The following OPCML variants were observed in gnomAD, a reference collection of about 807,000 sequenced individuals.
OPCML encodes opioid binding protein/cell adhesion molecule like.
Under a neutral mutation model 37.8 loss-of-function variants are expected in OPCML, and 13 were observed. That is an observed-to-expected ratio of 0.34 (90% CI 0.22 to 0.55). The LOEUF (loss-of-function observed/expected upper bound fraction) is 0.55. Among genes scored for constraint, OPCML ranks in the 20% least tolerant of loss-of-function variants. The probability of loss-of-function intolerance (pLI) is 0.91; values close to 1 mark genes in which losing one functional copy is unlikely to be tolerated. For missense variants in OPCML, 341 were observed against 435.6 expected (o/e 0.78, Z 1.93); for synonymous variants, 176 against 168.8 (o/e 1.04, Z -0.33).
chr11:132,972,531 G>T (rs78480998), intron 1 of OPCML, among the ~76,000 whole-genome samples: 3 of 152,172 alleles, frequency 2.0e-5, no homozygotes, highest in Non-Finnish European at 4.4e-5. Context: ...GCATCTCTTC[G>T]TGTGCGTTTT....
chr11:133,165,139 C>G (rs535625883), intron 1 of OPCML, among the ~76,000 whole-genome samples: 8 of 152,346 alleles, frequency 5.3e-5, no homozygotes, highest in African/African-American at 1.9e-4. Context: ...TGAGCCGAGC[C>G]ACAGTCCAGC....
At chr11:133,001,938 C>G (rs1224137099) in intron 1 of OPCML, among the ~76,000 whole-genome samples, 1 of 152,128 alleles carries the variant, frequency 6.6e-6, no homozygotes, top group East Asian at 1.9e-4. Flanking sequence ...GCCTTTGTAG[C>G]TATGAGTAAT....
At chr11:132,438,825 G>T (rs2096022089) in intron 4 of OPCML, among the ~76,000 whole-genome samples, 1 of 151,960 alleles carries the variant, frequency 6.6e-6, no homozygotes, top group Admixed American at 6.6e-5. Flanking sequence ...GTACTTAGGT[G>T]CCCTGACTCT....
chr11:133,117,706 A>G, intron 1 of OPCML: 2 of 836,592 alleles, frequency 2.4e-6, no homozygotes, highest in Non-Finnish European at 2.9e-6. Flanking sequence ...CACTCTCAAA[A>G]TAAAAAAAGT....
chr11:133,373,581 C>T (rs12575134), intron 1 of OPCML, among the ~76,000 whole-genome samples: 31,845 of 149,890 alleles, frequency 0.21, 4,574 homozygotes, highest in African/African-American at 0.41. Flanking sequence ...GCTGTGATCA[C>T]GCCACTGTAC....
At chr11:132,609,891 C>T (rs1014736709) in intron 3 of OPCML, among the ~76,000 whole-genome samples, 1 of 152,174 alleles carries the variant, frequency 6.6e-6, no homozygotes, top group Admixed American at 6.5e-5. Flanking sequence ...CTGACATCTA[C>T]TTTAGTGAAT....
rs576142116 is a variant in OPCML, at chr11:132,416,368, G to A, written c.*3825C>T. 2.0e-5 allele frequency: 3 copies of A among 152,294 alleles called. No individual in the cohort carries two copies. The South Asian group carries it at 6.2e-4, about 32-fold the overall frequency. 9.4% of individuals were successfully genotyped at this position (152,294 alleles called of 1,614,324 possible). A position where few individuals can be genotyped will look rare whatever the true frequency, so the allele number is the denominator to read the frequency against. ...GGCTGGCGACAGCCAACCAGCACTTGAAAATTCAATGTACAGCCACTCCTG... is the reference window on the plus strand; with the variant it reads ...GGCTGGCGACAGCCAACCAGCACTTAAAAATTCAATGTACAGCCACTCCTG... On this transcript the variant is annotated 3_prime_UTR_variant, in exon 8 of 8. Coordinates refer to ENST00000524381, the MANE Select transcript of OPCML (RefSeq NM_001012393.5).
chr11:133,509,882 C>T (rs1948116169), intron 1 of OPCML, among the ~76,000 whole-genome samples: 1 of 152,158 alleles, frequency 6.6e-6, no homozygotes, highest in Non-Finnish European at 1.5e-5. Flanking sequence ...GAGGCACCAC[C>T]TCTGGGGTGT....
chr11:132,670,501 A>G (rs1049826037), intron 2 of OPCML, among the ~76,000 whole-genome samples: 6 of 152,180 alleles, frequency 3.9e-5, no homozygotes, highest in Admixed American at 6.5e-5. Flanking sequence ...TGATTTATTT[A>G]TGGAACCAAA....
At chr11:132,685,314 CT>C (rs1162372480) in intron 2 of OPCML, among the ~76,000 whole-genome samples, 1 of 152,190 alleles carries the variant, frequency 6.6e-6, no homozygotes, top group Non-Finnish European at 1.5e-5. Flanking sequence ...TCCCTTGCTT[CT>C]TCAAGAGACC....
intron 1 of OPCML, among the ~76,000 whole-genome samples, chr11:133,213,953 A>C (rs1212885690): frequency 2.6e-5 from 4 of 152,176 alleles, no homozygotes; most frequent in Non-Finnish European, 5.9e-5. Flanking sequence ...AAGCCTTTCA[A>C]AGTGATTTTG....
chr11:133,354,415 G>T (rs1944235588), intron 1 of OPCML, among the ~76,000 whole-genome samples: 1 of 149,008 alleles, frequency 6.7e-6, no homozygotes, highest in Non-Finnish European at 1.5e-5. Flanking sequence ...ACTATAAAAT[G>T]TTATCTTTAC....
At chr11:132,617,643 T>C (rs918357259) in intron 3 of OPCML, among the ~76,000 whole-genome samples, 3 of 152,222 alleles carry the variant, frequency 2.0e-5, no homozygotes, top group East Asian at 3.8e-4. Flanking sequence ...AAATTTATTT[T>C]CTTGTAGCCC....
chr11:133,405,008 AT>A (rs1945495754), intron 1 of OPCML, among the ~76,000 whole-genome samples: 1 of 152,226 alleles, frequency 6.6e-6, no homozygotes, highest in Admixed American at 6.5e-5. Flanking sequence ...TCCAAATTAG[AT>A]TATAAATACC....
intron 1 of OPCML, among the ~76,000 whole-genome samples, chr11:133,266,265 G>A (rs1160405905): frequency 2.0e-5 from 3 of 152,040 alleles, no homozygotes; most frequent in African/African-American, 7.3e-5. Flanking sequence ...CCATCCAGAA[G>A]GAACTTTCAA....
intron 1 of OPCML, among the ~76,000 whole-genome samples, chr11:133,255,577 CCA>C (rs1565532313): frequency 6.6e-6 from 1 of 151,908 alleles, no homozygotes; most frequent in African/African-American, 2.4e-5. Context: ...AAAGAAGAGG[CCA>C]CACACAAAAA....
intron 1 of OPCML, among the ~76,000 whole-genome samples, chr11:133,179,926 A>G (rs1301053617): frequency 2.0e-5 from 3 of 152,176 alleles, no homozygotes; most frequent in African/African-American, 7.2e-5. Context: ...CAGAAGGTAA[A>G]GCTGGAAGGT....
chr11:133,165,973 G>T (rs1950203407), intron 1 of OPCML, among the ~76,000 whole-genome samples: 1 of 152,226 alleles, frequency 6.6e-6, no homozygotes, highest in Non-Finnish European at 1.5e-5. Context: ...TGAAGACAAT[G>T]CCTCTTCATC....
At chr11:132,452,929 C>G (rs995583212) in intron 4 of OPCML, among the ~76,000 whole-genome samples, 4 of 152,180 alleles carry the variant, frequency 2.6e-5, no homozygotes, top group African/African-American at 9.7e-5. Context: ...CACCCCTCCT[C>G]CTTTCCCCTG....
Sources: allele counts gnomAD v4.1 joint callset (sites outside exome capture counted in the v4.1 genomes callset), GRCh38; gene constraint gnomAD v4.1.1; transcripts MANE v1.5; gene names NCBI Gene and HGNC (gene_info 2026-07-23, HGNC 2026-07-21).